Variants in RFX8 observed in about 807,000 individuals in gnomAD.
RFX8 encodes DNA-binding protein RFX8.
In RFX8, 46 loss-of-function variants were observed where a neutral mutation model predicts 54.6. The ratio of observed to expected loss-of-function variants is 0.84; its 90% CI spans 0.67 to 1.08. The LOEUF is 1.08. Ranked by LOEUF, RFX8 falls within the 50% of genes least tolerant of loss-of-function variation. The pLI is 0.00. For synonymous variants in RFX8, 192 were observed against 209.5 expected (o/e 0.92, Z 0.72); for missense variants, 536 against 562.3 (o/e 0.95, Z 0.47).
At chr2:101,465,891 T>C (rs1405430747) in intron 2 of RFX8, among the ~76,000 whole-genome samples, 2 of 152,062 alleles carry the variant, frequency 1.3e-5, no homozygotes. Flanking sequence ...CGTCAATAAT[T>C]GAAGTCATAA....
At chr2:101,415,319 T>A (rs943321701) in intron 6 of RFX8, among the ~76,000 whole-genome samples, 1 of 152,202 alleles carries the variant, frequency 6.6e-6, no homozygotes, top group African/African-American at 2.4e-5. Context: ...TTTCACCATG[T>A]GAAGACAAAG....
At position 101,418,890 on chromosome 2, in the gene RFX8, C is replaced by A; in HGVS notation, c.312G>T (p.Val104=). The change falls in exon 5 of 12, where the codon GTG becomes GTT. Residue 104 remains valine, a synonymous_variant. Transcript: ENST00000428343. The stretch of plus-strand genomic sequence containing the variant: ...CGTCGTAGCATTTAAAGAGCTGGCA[C>A]ACGTCAGGCAATGACATCAGCATGA... ...DTVMLMSLPD[V]CQLFKCYDVQ... 1 of 1,551,586 alleles carries A rather than the reference C, an allele frequency of 6.4e-7. No individual in the cohort carries two copies.
At chr2:101,448,720 T>C (rs967466510) in intron 2 of RFX8, among the ~76,000 whole-genome samples, 19 of 152,230 alleles carry the variant, frequency 1.2e-4, no homozygotes, top group African/African-American at 3.9e-4. Context: ...AGCTGCCTCA[T>C]ACATAGGATG....
chr2:101,401,547 AAAG>A (rs1239799478), intron 11 of RFX8, among the ~76,000 whole-genome samples: 7 of 152,158 alleles, frequency 4.6e-5, no homozygotes, highest in African/African-American at 9.7e-5. Flanking sequence ...GTGGGCACAA[AAAG>A]AAGAAGGCGG....
chr2:101,428,827 T>C, intron 2 of RFX8: 3 of 635,606 alleles, frequency 4.7e-6, no homozygotes, highest in Non-Finnish European at 5.7e-6. Context: ...CATGGTCAGA[T>C]GGGTGAATGG....
At chr2:101,427,797 G>A (rs2104601915) in intron 2 of RFX8, among the ~76,000 whole-genome samples, 2 of 152,168 alleles carry the variant, frequency 1.3e-5, no homozygotes, top group East Asian at 3.9e-4. Flanking sequence ...TTAGCTTCCC[G>A]ACTACAAAAC....
At chr2:101,457,637 C>T (rs922180606) in intron 2 of RFX8, among the ~76,000 whole-genome samples, 3 of 152,110 alleles carry the variant, frequency 2.0e-5, no homozygotes, top group Non-Finnish European at 4.4e-5. Context: ...ATTATGTGAT[C>T]AATTTTAGAA....
At chr2:101,418,513 A>T (rs1034766528) in intron 5 of RFX8, among the ~76,000 whole-genome samples, 2 of 152,236 alleles carry the variant, frequency 1.3e-5, no homozygotes, top group African/African-American at 2.4e-5. Context: ...AAAACAAAAC[A>T]AAAGCCCTGG....
At chr2:101,398,182 C>T (rs572569000) in intron 11 of RFX8, among the ~76,000 whole-genome samples, 1 of 152,308 alleles carries the variant, frequency 6.6e-6, no homozygotes, top group South Asian at 2.1e-4. Flanking sequence ...AAGAGAACTC[C>T]TGATTTCTCA....
At chr2:101,455,980 T>C (rs1573468335) in intron 2 of RFX8, among the ~76,000 whole-genome samples, 1 of 152,212 alleles carries the variant, frequency 6.6e-6, no homozygotes, top group East Asian at 1.9e-4. Flanking sequence ...TTGTAGCAAT[T>C]GTGTATGGGA....
chr2:101,414,878 C>T lies in RFX8; in HGVS notation c.537G>A (p.Lys179=). The T allele has an allele frequency of 1.3e-6, 2 of 1,550,740 alleles. No individual in the cohort carries two copies. Among genetic ancestry groups the T allele is most frequent in the Non-Finnish European group, 1.7e-6 (2 of 1,146,554 alleles). The change falls in exon 7 of 12, where the codon AAG becomes AAA. Residue 179 remains lysine, a synonymous_variant. Coordinates refer to ENST00000428343, the MANE Select transcript of RFX8 (RefSeq NM_001145664.2). ...VTLFVKRLRR[K]TYLSNMAKTM... ...CCTTAGCCATGTTGGAAAGGTACGT[C>T]TTTCTTCTTAGTCTTTTGACAAATA...
rs1686398539 is a variant in RFX8, at chr2:101,414,882, C to T, written c.533G>A (p.Arg178Lys). ...AGCCATGTTGGAAAGGTACGTCTTT[C>T]TTCTTAGTCTTTTGACAAATAGAGT... ...EVTLFVKRLR[R>K]KTYLSNMAKT... Residue 178 changes from arginine to lysine, a missense_variant, in exon 7 of 12, where the codon AGA becomes AAA. Physicochemically the swap from Arg to Lys is conservative, Grantham distance 26. Coordinates refer to ENST00000428343, the MANE Select transcript of RFX8 (RefSeq NM_001145664.2). 6.4e-7 allele frequency: 1 copy of T among 1,550,646 alleles called. No homozygotes were observed. The highest frequency in any genetic ancestry group is 2.4e-5 in the East Asian group (1 of 40,892).
At chr2:101,406,542 A>C (rs572995209) in intron 9 of RFX8, among the ~76,000 whole-genome samples, 9 of 152,054 alleles carry the variant, frequency 5.9e-5, no homozygotes, top group African/African-American at 2.2e-4. Context: ...GGGTCTCACT[A>C]TGTTGCTCAA....
chr2:101,411,131 T>C (rs1433743074), intron 8 of RFX8, among the ~76,000 whole-genome samples: 1 of 152,184 alleles, frequency 6.6e-6, no homozygotes, highest in African/African-American at 2.4e-5. Flanking sequence ...TGAGAGAGGG[T>C]GAGCGCCTTG....
Position 101,397,693 on chromosome 2 carries a change from G to T in RFX8, c.1277C>A (p.Thr426Asn). Reference sequence around the variant, plus strand: ...AAGGCTGAGTTTAACTGCGCTTTCAGTGGTTTCATCTTCCAACAGCACCTG... The same window carrying T: ...AAGGCTGAGTTTAACTGCGCTTTCATTGGTTTCATCTTCCAACAGCACCTG... ...LIQVLLEDET[T>N]ESAVKLSLPM... is the part of the protein sequence containing the mutation. The change falls in exon 12 of 12, where the codon ACT becomes AAT. Residue 426 changes from threonine to asparagine, a missense_variant. Physicochemically the swap from Thr to Asn is moderately conservative, Grantham distance 65. Transcript: ENST00000428343. 1.3e-6 allele frequency: 2 copies of T among 1,550,790 alleles called. No homozygotes were observed. The highest frequency in any genetic ancestry group is 2.4e-5 in the South Asian group (2 of 83,778).
rs1009454809 is a variant in RFX8 at position 101,466,359 on chromosome 2, A to G, written c.72+418T>C. Among the ~76,000 whole-genome samples, 42 of 152,104 alleles carry G rather than the reference A, an allele frequency of 2.8e-4. 1 individual carries two copies. The highest frequency in any genetic ancestry group is 1.9e-4 in the East Asian group (1 of 5,190). On this transcript the variant is annotated intron_variant, in intron 2 of 11. Coordinates refer to ENST00000428343, the MANE Select transcript of RFX8 (RefSeq NM_001145664.2). ...ACCTCCAGAGATCTTTTAAGAGCCAATGAGTTCTCTCAGCGCAACCAAATT... is the reference window on the plus strand; with the variant it reads ...ACCTCCAGAGATCTTTTAAGAGCCAGTGAGTTCTCTCAGCGCAACCAAATT...
At chr2:101,424,163 T>A (rs1206580513) in intron 2 of RFX8, among the ~76,000 whole-genome samples, 1 of 152,206 alleles carries the variant, frequency 6.6e-6, no homozygotes. Context: ...TATTGGGTGC[T>A]GTCTAAACCT....
Position 101,397,429 on chromosome 2 carries a change from C to T in RFX8, c.*119G>A. On this transcript the variant is annotated 3_prime_UTR_variant, in exon 12 of 12. Coordinates refer to ENST00000428343, the MANE Select transcript of RFX8 (RefSeq NM_001145664.2). ...GAAATACATATAAACATAAAATAGA[C>T]AATGCTACATCTATTATATACATAA... 1.9e-6 allele frequency: 1 copy of T among 530,546 alleles called. No homozygotes were observed. Among genetic ancestry groups the T allele is most frequent in the Non-Finnish European group, 3.0e-6 (1 of 330,060 alleles). The allele number at this position is 530,546 out of a possible 1,614,324, so 32.9% of individuals were successfully genotyped here.
intron 11 of RFX8, among the ~76,000 whole-genome samples, chr2:101,400,159 C>T (rs1295812273): frequency 6.6e-6 from 1 of 152,160 alleles, no homozygotes; most frequent in Non-Finnish European, 1.5e-5. Flanking sequence ...TGGCTGAAGA[C>T]GTAAAAGCTT....
Sources: gnomAD v4.1 joint callset for allele counts (sites outside exome capture counted in the v4.1 genomes callset) on GRCh38, gnomAD v4.1.1 for gene constraint, MANE v1.5 for transcripts, NCBI Gene and HGNC (gene_info 2026-07-23, HGNC 2026-07-21) for gene names.